Variants in ITSN1 observed in about 807,000 individuals in gnomAD.
ITSN1 encodes the protein intersectin-1.
In ITSN1, 58 loss-of-function variants were observed where a neutral mutation model predicts 239.8. The ratio of observed to expected loss-of-function variants is 0.24; its 90% CI spans 0.20 to 0.30. The LOEUF is 0.30. Among genes scored for constraint, ITSN1 ranks in the 10% least tolerant of loss-of-function variants. The probability of loss-of-function intolerance (pLI) is 1.00; values close to 1 mark genes in which losing one functional copy is unlikely to be tolerated. For missense variants in ITSN1, 1,558 were observed against 2,103.3 expected (o/e 0.74, Z 5.07); for synonymous variants, 780 against 770.8 (o/e 1.01, Z -0.20).
chr21:33,814,234 G>A, intron 22 of ITSN1, 162 bp downstream of exon 22: 2 of 332,412 alleles, frequency 6.0e-6, no homozygotes, highest in Non-Finnish European at 1.2e-5. Context: ...AATCTGCTGT[G>A]AATAGTTGGG....
At chr21:33,743,515 A>C (rs567672524) in intron 5 of ITSN1, among the ~76,000 whole-genome samples, 1 of 141,544 alleles carries the variant, frequency 7.1e-6, no homozygotes, top group Non-Finnish European at 1.6e-5. Context: ...TTTGAGAAAC[A>C]GTAACAAGTA....
At chr21:33,809,298 C>A (rs2072716777) in intron 20 of ITSN1, among the ~76,000 whole-genome samples, 1 of 152,164 alleles carries the variant, frequency 6.6e-6, no homozygotes, top group Non-Finnish European at 1.5e-5. Flanking sequence ...TTGGAGAATT[C>A]TCAGCTTTAA....
chr21:33,679,600 T>G (rs2090807793), intron 1 of ITSN1, among the ~76,000 whole-genome samples: 1 of 152,190 alleles, frequency 6.6e-6, no homozygotes, highest in Admixed American at 6.5e-5. Flanking sequence ...GATTATAGGT[T>G]TTAGGAAAAT....
chr21:33,667,808 AT>A (rs1247355280), intron 1 of ITSN1, among the ~76,000 whole-genome samples: 3 of 152,166 alleles, frequency 2.0e-5, no homozygotes, highest in African/African-American at 7.2e-5. Context: ...ACATTGTATA[AT>A]AATAGCTCCC....
rs969434961 is a variant in ITSN1 at position 33,891,174 on chromosome 21, A to C, written c.*2874A>C. 8.5e-5 allele frequency: 13 copies of C among 152,208 alleles called. No individual in the cohort carries two copies. Among genetic ancestry groups the C allele is most frequent in the Non-Finnish European group, 1.6e-4 (11 of 68,060 alleles). 9.4% of individuals were successfully genotyped at this position (152,208 alleles called of 1,614,324 possible). A position where few individuals can be genotyped will look rare whatever the true frequency, so the allele number is the denominator to read the frequency against. ...TTGCTGTGACCATGAGAGCCTGAAG[A>C]TGTGGCTCATTCGGATCCAGGCCTG... On this transcript the variant is annotated 3_prime_UTR_variant, in exon 40 of 40. Coordinates refer to ENST00000381318, the MANE Select transcript of ITSN1 (RefSeq NM_003024.3).
chr21:33,735,385 A>G (rs2066433708), intron 5 of ITSN1, 181 bp downstream of exon 5: 1 of 712,578 alleles, frequency 1.4e-6, no homozygotes, highest in African/African-American at 1.8e-5. Flanking sequence ...TCACATTTGA[A>G]CCCTGGGATG....
chr21:33,820,857 T>TAAG (rs11474509), intron 24 of ITSN1, among the ~76,000 whole-genome samples: 16,635 of 152,082 alleles, frequency 0.11, 1,180 homozygotes, highest in East Asian at 0.29. Flanking sequence ...CACCAAAAGA[T>TAAG]AAAGAAAAAA....
chr21:33,852,585 A>G (rs1448407149), intron 29 of ITSN1, among the ~76,000 whole-genome samples: 3 of 152,162 alleles, frequency 2.0e-5, no homozygotes, highest in African/African-American at 4.8e-5. Context: ...AAATCCTTCC[A>G]GAAGGCCATC....
chr21:33,831,931 C>T (rs993837817), intron 27 of ITSN1, among the ~76,000 whole-genome samples: 28 of 152,088 alleles, frequency 1.8e-4, no homozygotes, highest in African/African-American at 6.8e-4. Flanking sequence ...CCTCCTTAGA[C>T]CCTCGGGTCC....
At chr21:33,790,118 T>G (rs938816750) in intron 16 of ITSN1, among the ~76,000 whole-genome samples, 1 of 152,130 alleles carries the variant, frequency 6.6e-6, no homozygotes, top group African/African-American at 2.4e-5. Flanking sequence ...ATAAAAGCTG[T>G]GAGCTTTCTC....
intron 30 of ITSN1, 93 bp from the exon 31 acceptor site, chr21:33,858,593 T>C (rs1979830473): frequency 1.3e-6 from 1 of 768,396 alleles, no homozygotes; most frequent in South Asian, 1.7e-5. Context: ...TACAGACACC[T>C]GAGCCCTTTC....
chr21:33,852,245 G>A (rs1436620295), intron 29 of ITSN1, among the ~76,000 whole-genome samples: 4 of 152,070 alleles, frequency 2.6e-5, no homozygotes, highest in Non-Finnish European at 1.5e-5. Flanking sequence ...GCATATTTTG[G>A]CCCCTTTCAT....
chr21:33,824,989 T>C (rs1316922143), intron 25 of ITSN1, among the ~76,000 whole-genome samples: 3 of 152,184 alleles, frequency 2.0e-5, no homozygotes, highest in African/African-American at 7.2e-5. Flanking sequence ...TCGAGTCCAA[T>C]GAGAGTCATA....
At position 33,885,470 on chromosome 21, in the gene ITSN1, G is replaced by A; in HGVS notation, c.4791G>A (p.Arg1597=). ...VRSQRATGIG[R]LMVNVVEGIE... is the part of the protein sequence containing the mutation. ...CCCAAAGGGCAACAGGCATTGGAAG[G>A]TTGATGGTGAACGTGGTTGAAGGCA... Residue 1597 remains arginine, a synonymous_variant, in exon 38 of 40, where the codon AGG becomes AGA. Coordinates refer to ENST00000381318, the MANE Select transcript of ITSN1 (RefSeq NM_003024.3). 6.2e-7 allele frequency: 1 copy of A among 1,614,156 alleles called. No homozygotes were observed. Among genetic ancestry groups the A allele is most frequent in the Non-Finnish European group, 8.5e-7 (1 of 1,180,034 alleles).
chr21:33,786,042 T>G (rs185275384), intron 16 of ITSN1, among the ~76,000 whole-genome samples: 1 of 152,294 alleles, frequency 6.6e-6, no homozygotes, highest in East Asian at 1.9e-4. Context: ...CCCTGAAATA[T>G]TGAAGCTCTT....
intron 14 of ITSN1, among the ~76,000 whole-genome samples, chr21:33,776,430 G>A (rs570351569): frequency 4.0e-5 from 6 of 150,130 alleles, no homozygotes; most frequent in South Asian, 2.1e-4. Context: ...GCATGGGGGC[G>A]TTCACCTGTA....
chr21:33,699,895 T>C (rs577502700), intron 1 of ITSN1, among the ~76,000 whole-genome samples: 39 of 152,166 alleles, frequency 2.6e-4, no homozygotes, highest in African/African-American at 8.4e-4. Flanking sequence ...CCCAAGTAGC[T>C]GGGATTGTAG....
chr21:33,818,650 ATTCT>A (rs2073448297), intron 23 of ITSN1, among the ~76,000 whole-genome samples, 178 bp downstream of exon 23: 1 of 152,222 alleles, frequency 6.6e-6, no homozygotes, highest in Non-Finnish European at 1.5e-5. Flanking sequence ...AGATAAGTGC[ATTCT>A]TTCTTCTCTC....
chr21:33,704,811 G>A (rs768402573), intron 1 of ITSN1, among the ~76,000 whole-genome samples: 5 of 151,526 alleles, frequency 3.3e-5, no homozygotes, highest in East Asian at 1.9e-4. Context: ...AATCTTGGCC[G>A]GGCGCGGTGG....
Sources: allele counts gnomAD v4.1 joint callset (sites outside exome capture counted in the v4.1 genomes callset), GRCh38; gene constraint gnomAD v4.1.1; transcripts MANE v1.5; gene names NCBI Gene and HGNC (gene_info 2026-07-23, HGNC 2026-07-21).